Variants in OTC observed in about 807,000 individuals in gnomAD.
OTC encodes the protein ornithine transcarbamylase.
OTC carries 3 observed loss-of-function variants against 30.3 expected under a neutral mutation model. The observed-to-expected ratio is 0.10, with a 90% CI of 0.05 to 0.26. OTC has a LOEUF of 0.26. OTC is among the 10% of genes least tolerant of loss of function. The pLI, the probability that OTC is intolerant of heterozygous loss-of-function variation, is 1.00. For missense variants in OTC, 194 were observed against 260.3 expected (o/e 0.75, Z 1.75); for synonymous variants, 111 against 99.7 (o/e 1.11, Z -0.67).
intron 6 of OTC, among the ~76,000 whole-genome samples, 155 bp from the exon 7 acceptor site, chrX:38,408,587 G>C (rs1239125911): frequency 9.0e-6 from 1 of 111,548 alleles, no homozygotes; most frequent in Non-Finnish European, 1.9e-5. Context: ...TTGAGTTTTG[G>C]AATTCTAGAT....
chrX:38,353,142 A>G (rs773566726), intron 1 of OTC, among the ~76,000 whole-genome samples: 160 of 112,359 alleles, frequency 1.4e-3, no homozygotes, highest in Non-Finnish European at 2.4e-3. Context: ...TGTTGAGACT[A>G]ATCAGTTCTT....
the OTC span, among the ~76,000 whole-genome samples, chrX:38,332,786 C>T: frequency 9.1e-6 from 1 of 109,845 alleles, no homozygotes; most frequent in Non-Finnish European, 1.9e-5. Flanking sequence ...GTGGGTCAGT[C>T]AGTTGGAGGA....
intron 6 of OTC, among the ~76,000 whole-genome samples, chrX:38,406,856 G>A (rs908108133): frequency 8.9e-6 from 1 of 112,416 alleles, no homozygotes; most frequent in Non-Finnish European, 1.9e-5. Flanking sequence ...ATGTCTGCAG[G>A]CATCTTCATC....
chrX:38,377,930 G>A (rs187863954), intron 3 of OTC, among the ~76,000 whole-genome samples: 94 of 109,810 alleles, frequency 8.6e-4, no homozygotes, highest in Non-Finnish European at 3.8e-4. Context: ...TTCACCTCCC[G>A]AGTTCAAGTG....
At chrX:38,387,769 C>G (rs2068411635) in intron 4 of OTC, among the ~76,000 whole-genome samples, 1 of 111,779 alleles carries the variant, frequency 8.9e-6, no homozygotes, top group South Asian at 3.8e-4. Context: ...TCCACAAGTC[C>G]CCTCCCAGTG....
intron 1 of OTC, among the ~76,000 whole-genome samples, chrX:38,363,698 A>G (rs757944974): frequency 9.8e-5 from 11 of 112,079 alleles, no homozygotes; most frequent in African/African-American, 2.6e-4. Flanking sequence ...ATTGCTGACT[A>G]TGATGGAGAT....
At chrX:38,385,220 A>C (rs2147332594) in intron 4 of OTC, among the ~76,000 whole-genome samples, 1 of 112,002 alleles carries the variant, frequency 8.9e-6, no homozygotes, top group Non-Finnish European at 1.9e-5. Flanking sequence ...CAGTGAGCTG[A>C]GATTGTGCCA....
In OTC at chrX:38,403,618, G is replaced by C; in HGVS notation, c.541G>C (p.Glu181Gln). Residue 181 changes from glutamate to glutamine, a missense_variant and splice_region_variant, in exon 6 of 10, where the codon GAA (glutamate) becomes CAA (glutamine). Transcript: ENST00000039007. ...ATCTCCTTCATCCCGTGCCTTTTAGGAACACTATAGCTCTCTGAAAGGTCT... is the reference window on the plus strand; with the variant it reads ...ATCTCCTTCATCCCGTGCCTTTTAGCAACACTATAGCTCTCTGAAAGGTCT... ...QILADYLTLQEHYSSLKGLTL... is the reference protein window; with the variant it reads ...QILADYLTLQQHYSSLKGLTL... The C allele has an allele frequency of 8.3e-7, 1 of 1,209,660 alleles. No individual in the cohort carries two copies. The highest frequency in any genetic ancestry group is 1.1e-6 in the Non-Finnish European group (1 of 893,610).
At chrX:38,356,841 T>A (rs190435276) in intron 1 of OTC, among the ~76,000 whole-genome samples, 2 of 111,608 alleles carry the variant, frequency 1.8e-5, no homozygotes, top group Admixed American at 1.9e-4. Context: ...GTGGCAACAG[T>A]GAGGAGGGTT....
chrX:38,394,869 C>A (rs1338471878), intron 4 of OTC, among the ~76,000 whole-genome samples: 1 of 102,581 alleles, frequency 9.7e-6, no homozygotes, highest in Non-Finnish European at 2.0e-5. Flanking sequence ...GGCTGACTTT[C>A]TTTTGAAAAA....
chrX:38,338,961 C>T, the OTC span, among the ~76,000 whole-genome samples: 1 of 112,162 alleles, frequency 8.9e-6, no homozygotes. Flanking sequence ...GCATTCCAGA[C>T]TGGATCATGT....
In OTC at chrX:38,408,858, C is replaced by T. The variant is rs55903043; in HGVS notation, c.718-18C>T. Reference sequence around the variant, plus strand: ...CTGTCCCATGAAGTTATTTAACCAGCGTGTTTATGTATGCTAGAATGGTAC... The same window carrying T: ...CTGTCCCATGAAGTTATTTAACCAGTGTGTTTATGTATGCTAGAATGGTAC... On this transcript the variant is annotated intron_variant, in intron 7 of 9. Coordinates refer to ENST00000039007, the MANE Select transcript of OTC (RefSeq NM_000531.6). The T allele has an allele frequency of 9.3e-5, 112 of 1,208,099 alleles. No homozygotes were observed. Among genetic ancestry groups the T allele is most frequent in the Middle Eastern group, 6.9e-4 (3 of 4,351 alleles).
At chrX:38,331,775 T>C in the OTC span, among the ~76,000 whole-genome samples, 1 of 110,188 alleles carries the variant, frequency 9.1e-6, no homozygotes, top group Non-Finnish European at 1.9e-5. Flanking sequence ...AGAGATGGGG[T>C]TTGGCCACAT....
rs2068448053 is a variant in OTC, at chrX:38,395,034, A to G, written c.387-6241A>G. 1.8e-5 allele frequency among the ~76,000 whole-genome samples: 2 copies of G among 110,800 alleles called. 1 individual carries two copies. The highest frequency in any genetic ancestry group is 7.8e-4 in the South Asian group (2 of 2,572). On this transcript the variant is annotated intron_variant, in intron 4 of 9. Transcript: ENST00000039007. ...GTCACCCAGGCTAGAGTGTAGTGGC[A>G]TGGTCTTGGCTCACTGCAATCTCCA...
upstream of OTC, among the ~76,000 whole-genome samples, chrX:38,352,008 G>A (rs1000089157): frequency 9.8e-5 from 11 of 112,037 alleles, no homozygotes; most frequent in Non-Finnish European, 1.9e-4. Context: ...TGATCCGCCC[G>A]CCTCAGCCTC....
intron 3 of OTC, among the ~76,000 whole-genome samples, chrX:38,370,401 C>T (rs1022515444): frequency 1.8e-5 from 2 of 111,755 alleles, no homozygotes; most frequent in South Asian, 3.8e-4. Context: ...GGATCTGGTC[C>T]TTGGTCATTA....
In OTC at chrX:38,411,881, C is replaced by T; in HGVS notation, c.887C>T (p.Ser296Phe). The stretch of plus-strand genomic sequence containing the variant: ...CTTTAGACTGCTAAAGTTGCTGCCT[C>T]TGACTGGACATTTTTACACTGCTTG... ...VTMKTAKVAA[S>F]DWTFLHCLPR... The change falls in exon 9 of 10, where the codon TCT (serine) becomes TTT (phenylalanine). Residue 296 changes from serine (S) to phenylalanine (F), a missense_variant. By Grantham distance (155) the Ser-to-Phe change is radical. Coordinates refer to ENST00000039007, the MANE Select transcript of OTC (RefSeq NM_000531.6). 1.7e-6 allele frequency: 2 copies of T among 1,211,271 alleles called. No homozygotes were observed. The highest frequency in any genetic ancestry group is 3.5e-5 in the South Asian group (2 of 56,997).
chrX:38,381,616 A>AT (rs908891136), intron 4 of OTC, among the ~76,000 whole-genome samples, 187 bp downstream of exon 4: 3 of 111,259 alleles, frequency 2.7e-5, no homozygotes, highest in African/African-American at 9.8e-5. Flanking sequence ...GGTTGAAATA[A>AT]TTTTTCTTGG....
chrX:38,360,079 C>T (rs1306809119), intron 1 of OTC, among the ~76,000 whole-genome samples: 2 of 108,640 alleles, frequency 1.8e-5, no homozygotes, highest in East Asian at 5.8e-4. Context: ...TGCCACCACG[C>T]CCGGCTAATT....
Sources: gnomAD v4.1 joint callset for allele counts (sites outside exome capture counted in the v4.1 genomes callset) on GRCh38, gnomAD v4.1.1 for gene constraint, MANE v1.5 for transcripts, NCBI Gene and HGNC (gene_info 2026-07-23, HGNC 2026-07-21) for gene names.